Variants in DMXL2 observed in about 807,000 individuals in gnomAD.
DMXL2 encodes Dmx like 2, also known as dmX-like protein 2.
DMXL2 carries 103 observed loss-of-function variants against 331.1 expected under a neutral mutation model. The ratio of observed to expected loss-of-function variants is 0.31; its 90% CI spans 0.27 to 0.37. The LOEUF is 0.37. Ranked by LOEUF, DMXL2 falls within the 10% of genes least tolerant of loss-of-function variation. The pLI is 1.00. For missense variants in DMXL2, 3,171 were observed against 3,642.9 expected (o/e 0.87, Z 3.33); for synonymous variants, 1,281 against 1,252.1 (o/e 1.02, Z -0.49).
intron 1 of DMXL2, among the ~76,000 whole-genome samples, chr15:51,610,866 C>T (rs1032481280): frequency 3.3e-5 from 5 of 152,018 alleles, no homozygotes; most frequent in Non-Finnish European, 5.9e-5. Flanking sequence ...CACAATACAG[C>T]TATGCTAGAA....
chr15:51,466,282 A>G lies in DMXL2; in HGVS notation c.7422T>C (p.Val2474=). The part of the protein sequence containing the change: ...KPFLPLSDSG[V]IYDSDESIHS... The stretch of plus-strand genomic sequence containing the variant: ...GAATGCTTTCATCAGAATCATATAT[A>G]ACACCACTATCAGACAAAGGAAGAA... Residue 2474 remains valine (V), a synonymous_variant, in exon 30 of 44, where the codon GTT becomes GTC. Coordinates refer to ENST00000560891, the MANE Select transcript of DMXL2 (RefSeq NM_001378457.1). 2.0e-6 allele frequency: 3 copies of G among 1,497,732 alleles called. No individual in the cohort carries two copies. Among genetic ancestry groups the G allele is most frequent in the Non-Finnish European group, 1.8e-6 (2 of 1,121,126 alleles). The allele number at this position is 1,497,732 out of a possible 1,614,324, so 92.8% of individuals were successfully genotyped here.
At chr15:51,607,525 A>G (rs1415561494) in intron 1 of DMXL2, among the ~76,000 whole-genome samples, 1 of 152,220 alleles carries the variant, frequency 6.6e-6, no homozygotes, top group Non-Finnish European at 1.5e-5. Flanking sequence ...ATAAAGTCAG[A>G]AAGTCTGAAA....
chr15:51,496,119 A>C (rs1472582265), intron 18 of DMXL2, among the ~76,000 whole-genome samples: 1 of 152,144 alleles, frequency 6.6e-6, no homozygotes, highest in African/African-American at 2.4e-5. Context: ...TGCTGCCATT[A>C]CAGGTGTGAG....
At chr15:51,502,306 T>TTGTGTGTGTG (rs769283309) in intron 17 of DMXL2, among the ~76,000 whole-genome samples, 2,057 of 140,602 alleles carry the variant, frequency 0.015, 24 homozygotes, top group Middle Eastern at 0.018. Flanking sequence ...TTTTGTGGGT[T>TTGTGTGTGTG]TGTGTGTGTG....
chr15:51,474,606 T>C lies in DMXL2; in HGVS notation c.6965-14A>G. Reference sequence around the variant, plus strand: ...GTGAGCTCACACCTATAAGGGTATATAAAATCATAAGACGTATGTCAGGAT... The same window carrying C: ...GTGAGCTCACACCTATAAGGGTATACAAAATCATAAGACGTATGTCAGGAT... On this transcript the variant is annotated splice_polypyrimidine_tract_variant and intron_variant, in intron 27 of 43. Transcript: ENST00000560891. 1 of 1,584,074 alleles carries C rather than the reference T, an allele frequency of 6.3e-7. No homozygotes were observed. Among genetic ancestry groups the C allele is most frequent in the East Asian group, 2.3e-5 (1 of 44,210 alleles).
rs149513074 is a variant in DMXL2, at chr15:51,554,033, G to A, written c.568-6625C>T. Among the ~76,000 whole-genome samples, 16 of 152,230 alleles carry A rather than the reference G, an allele frequency of 1.1e-4. No homozygotes were observed. In the East Asian group the frequency reaches 3.1e-3, roughly 29 times the overall value. On this transcript the variant is annotated intron_variant, in intron 6 of 43. Transcript: ENST00000560891. The stretch of plus-strand genomic sequence containing the variant: ...TTAAGTGTATACAATACCTATCCAT[G>A]ATCATAGTGCCATTAACGATATTTA...
Position 51,458,497 on chromosome 15 carries a change from G to A in DMXL2, c.8198+9C>T, listed in dbSNP as rs911254467. On this transcript the variant is annotated intron_variant, in intron 36 of 43. Transcript: ENST00000560891. ...GAAAACTATATGTAAAAGTGACTAT[G>A]AGACAAACCTTTTGGATTCTCTGTC... 6.2e-7 allele frequency: 1 copy of A among 1,612,598 alleles called. No individual in the cohort carries two copies. The highest frequency in any genetic ancestry group is 1.3e-5 in the African/African-American group (1 of 74,996).
At chr15:51,556,792 T>C (rs2049623586) in intron 6 of DMXL2, among the ~76,000 whole-genome samples, 1 of 151,894 alleles carries the variant, frequency 6.6e-6, no homozygotes, top group Admixed American at 6.6e-5. Flanking sequence ...AGATAAAAAT[T>C]GTCTCATTAG....
intron 1 of DMXL2, among the ~76,000 whole-genome samples, chr15:51,583,126 T>A (rs1417127745): frequency 3.1e-5 from 3 of 95,296 alleles, no homozygotes; most frequent in Admixed American, 1.1e-4. Flanking sequence ...TTTTTCTTTT[T>A]TTTTTTTTTT....
rs1421852044 is a variant in DMXL2 at position 51,568,463 on chromosome 15, A to G, written c.285+24T>C. The G allele has an allele frequency of 2.8e-6, 4 of 1,412,716 alleles. No individual in the cohort carries two copies. In the South Asian group the frequency reaches 5.1e-5, roughly 18 times the overall value. The allele number at this position is 1,412,716 out of a possible 1,614,324, so 87.5% of individuals were successfully genotyped here. A position where few individuals can be genotyped will look rare whatever the true frequency, so the allele number is the denominator to read the frequency against. On this transcript the variant is annotated intron_variant, in intron 3 of 43. Transcript: ENST00000560891. ...CTAAAGTTAACTAGATTCTAAAAGT[A>G]TTCTATTATTGGTTAATACTTACAC...
chr15:51,508,824 T>A (rs949795517), intron 15 of DMXL2, among the ~76,000 whole-genome samples: 4 of 152,204 alleles, frequency 2.6e-5, no homozygotes, highest in Admixed American at 2.0e-4. Flanking sequence ...GAAATGCTTT[T>A]CTTTACAGAT....
intron 43 of DMXL2, 79 bp downstream of exon 43, chr15:51,450,050 A>C: frequency 3.8e-6 from 5 of 1,314,458 alleles, no homozygotes; most frequent in Non-Finnish European, 5.3e-6. Flanking sequence ...GTGAAGCTTT[A>C]TTTCAAAGAA....
At chr15:51,618,277 A>G (rs1315092420) in intron 1 of DMXL2, among the ~76,000 whole-genome samples, 8 of 151,680 alleles carry the variant, frequency 5.3e-5, no homozygotes, top group Non-Finnish European at 1.0e-4. Flanking sequence ...CACTTCTTCA[A>G]TAAACTCCCT....
intron 2 of DMXL2, among the ~76,000 whole-genome samples, chr15:51,575,770 T>C (rs561272584): frequency 6.6e-6 from 1 of 152,222 alleles, no homozygotes; most frequent in Non-Finnish European, 1.5e-5. Context: ...CTTACTGGCT[T>C]AATGGCTGCT....
intron 41 of DMXL2, 67 bp from the exon 42 acceptor site, chr15:51,451,764 CCTGT>C: frequency 2.2e-6 from 3 of 1,377,128 alleles, no homozygotes; most frequent in African/African-American, 1.4e-5. Flanking sequence ...TCAGGGACAA[CCTGT>C]CTTTCAGTCA....
intron 6 of DMXL2, among the ~76,000 whole-genome samples, chr15:51,562,490 T>C (rs527769218): frequency 9.6e-4 from 146 of 152,130 alleles, no homozygotes; most frequent in Non-Finnish European, 1.5e-3. Context: ...TTTCCCAAAG[T>C]TGGTAAAAGA....
In DMXL2 at chr15:51,458,486, A is replaced by G; in HGVS notation, c.8198+20T>C. The G allele has an allele frequency of 6.2e-7, 1 of 1,610,744 alleles. No individual in the cohort carries two copies. The highest frequency in any genetic ancestry group is 8.5e-7 in the Non-Finnish European group (1 of 1,178,596). ...TACTTCTTACAGAAAACTATATGTA[A>G]AAGTGACTATGAGACAAACCTTTTG... On this transcript the variant is annotated intron_variant, in intron 36 of 43. Transcript: ENST00000560891.
chr15:51,495,082 T>A lies in DMXL2; in HGVS notation c.4725A>T (p.Leu1575=). The A allele has an allele frequency of 1.2e-6, 2 of 1,613,492 alleles. No individual in the cohort carries two copies. Among genetic ancestry groups the A allele is most frequent in the Non-Finnish European group, 1.7e-6 (2 of 1,179,512 alleles). ...GCAGCGATGTCAAAAGGCATGTGTG[T>A]AGGCGCATAGCTAACAAGTATCTCA... The part of the protein sequence containing the change: ...CGLRYLLAMR[L]HTCLLTSLPP... The change falls in exon 19 of 44, where the codon CTA becomes CTT. Residue 1575 remains leucine, a synonymous_variant. Coordinates refer to ENST00000560891, the MANE Select transcript of DMXL2 (RefSeq NM_001378457.1).
At chr15:51,620,190 A>C (rs2054539130) in intron 1 of DMXL2, among the ~76,000 whole-genome samples, 1 of 152,002 alleles carries the variant, frequency 6.6e-6, no homozygotes. Flanking sequence ...TTTGTTTTTC[A>C]ATCTGTTTTT....
Sources: gnomAD v4.1 joint callset for allele counts (sites outside exome capture counted in the v4.1 genomes callset) on GRCh38, gnomAD v4.1.1 for gene constraint, MANE v1.5 for transcripts, NCBI Gene and HGNC (gene_info 2026-07-23, HGNC 2026-07-21) for gene names.